The following TTC39A variants were observed in gnomAD, a reference collection of about 807,000 sequenced individuals.
TTC39A encodes the protein tetratricopeptide repeat protein 39A.
In TTC39A, 46 loss-of-function variants were observed where a neutral mutation model predicts 82.3. The observed-to-expected ratio is 0.56, with a 90% CI of 0.44 to 0.71. The LOEUF (loss-of-function observed/expected upper bound fraction) is 0.71. Among genes scored for constraint, TTC39A ranks in the 30% least tolerant of loss-of-function variants. The pLI, the probability that TTC39A is intolerant of heterozygous loss-of-function variation, is 0.00. For synonymous variants in TTC39A, 254 were observed against 275.2 expected, an observed-to-expected ratio of 0.92 and a Z score of 0.76; for missense variants, 543 against 712.9, an observed-to-expected ratio of 0.76 and a Z score of 2.71.
chr1:51,324,639 A>C (rs1387729381), intron 1 of TTC39A, among the ~76,000 whole-genome samples: 1 of 152,096 alleles, frequency 6.6e-6, no homozygotes, highest in Non-Finnish European at 1.5e-5. Context: ...CTCCTGCCTC[A>C]GCCTCCCAAG....
chr1:51,319,354 C>T (rs1645407353), intron 2 of TTC39A, among the ~76,000 whole-genome samples: 1 of 152,002 alleles, frequency 6.6e-6, no homozygotes, highest in African/African-American at 2.4e-5. Flanking sequence ...AGGGAAGAGG[C>T]TCAGAAGAGG....
Position 51,303,209 on chromosome 1 carries a change from G to C in TTC39A, c.655-17C>G, listed in dbSNP as rs1460247682. ...CCCATAGTCCTGAGGGGATGGGAGGGTGGGTGAGGCTCCCAGAGAGGGCAG... is the reference window on the plus strand; with the variant it reads ...CCCATAGTCCTGAGGGGATGGGAGGCTGGGTGAGGCTCCCAGAGAGGGCAG... On this transcript the variant is annotated splice_polypyrimidine_tract_variant and intron_variant, in intron 8 of 17. Transcript: ENST00000680483. 7.0e-7 allele frequency: 1 copy of C among 1,432,826 alleles called. No homozygotes were observed. The highest frequency in any genetic ancestry group is 9.6e-7 in the Non-Finnish European group (1 of 1,039,022). The allele number at this position is 1,432,826 out of a possible 1,614,324, so 88.8% of individuals were successfully genotyped here.
rs143489092 is a variant in TTC39A, at chr1:51,340,916, A to G, written c.53+4075T>C. On this transcript the variant is annotated intron_variant, in intron 1 of 5. Transcript: ENST00000401051. ...GCCGGGTGCGGTAGCTCTTGCCTATAATCCCAACACTTTGGGAGGCCGAGG... is the reference window on the plus strand; with the variant it reads ...GCCGGGTGCGGTAGCTCTTGCCTATGATCCCAACACTTTGGGAGGCCGAGG... 5.4e-3 allele frequency among the ~76,000 whole-genome samples: 820 copies of G among 152,310 alleles called. 1 individual carries two copies. The highest frequency in any genetic ancestry group is 0.014 in the Middle Eastern group (4 of 294).
At chr1:51,297,174 G>C (rs79492354) in intron 12 of TTC39A, 1 of 151,778 alleles carries the variant, frequency 6.6e-6, no homozygotes, top group South Asian at 2.1e-4. Context: ...CGTGGGCCAC[G>C]GCGGGAAGAG....
rs1646077581 is a variant in TTC39A, at chr1:51,344,841, C to T, written c.53+150G>A. ...GCAGGGGGCGCGCGGCGCTGCCCCT[C>T]TCGGGCCTCCGGCCGACCCCCACGC... On this transcript the variant is annotated intron_variant, in intron 1 of 5. Transcript: ENST00000401051. The T allele has an allele frequency of 3.0e-6, 3 of 1,006,246 alleles. No homozygotes were observed. In the African/African-American group the frequency reaches 5.1e-5, roughly 17 times the overall value. The allele number at this position is 1,006,246 out of a possible 1,614,324, so 62.3% of individuals were successfully genotyped here.
chr1:51,334,042 C>T (rs12067023), upstream of TTC39A, among the ~76,000 whole-genome samples: 4,703 of 152,108 alleles, frequency 0.031, 251 homozygotes, highest in African/African-American at 0.11. Flanking sequence ...TTGCCGACTT[C>T]CAAGGTTGCT....
Position 51,303,209 on chromosome 1 carries a change from G to T in TTC39A, c.655-17C>A. 7.7e-6 allele frequency: 11 copies of T among 1,432,810 alleles called. No homozygotes were observed. The highest frequency in any genetic ancestry group is 1.2e-5 in the South Asian group (1 of 81,602). 88.8% of individuals were successfully genotyped at this position (1,432,810 alleles called of 1,614,324 possible). A position where few individuals can be genotyped will look rare whatever the true frequency, so the allele number is the denominator to read the frequency against. ...CCCATAGTCCTGAGGGGATGGGAGG[G>T]TGGGTGAGGCTCCCAGAGAGGGCAG... On this transcript the variant is annotated splice_polypyrimidine_tract_variant and intron_variant, in intron 8 of 17. Transcript: ENST00000680483.
At chr1:51,304,272 A>C (rs575544286) in intron 8 of TTC39A, among the ~76,000 whole-genome samples, 1 of 152,216 alleles carries the variant, frequency 6.6e-6, no homozygotes, top group African/African-American at 2.4e-5. Flanking sequence ...TTTCCTTTAA[A>C]TCAATTTCAG....
At chr1:51,337,013 C>T (rs893076549) in intron 1 of TTC39A, among the ~76,000 whole-genome samples, 6 of 152,142 alleles carry the variant, frequency 3.9e-5, no homozygotes, top group Admixed American at 1.3e-4. Context: ...AAAAACTTAG[C>T]TGGGCATGGT....
At chr1:51,320,416 C>CTTTTTTTTTTTTTTTTTTTTTTTTT (rs57261779) in intron 2 of TTC39A, among the ~76,000 whole-genome samples, 17 of 79,434 alleles carry the variant, frequency 2.1e-4, no homozygotes, top group Admixed American at 3.0e-4. Context: ...TTTTCTTTTT[C>CTTTTTTTTTTTTTTTTTTTTTTTTT]TTTTTTTTTT....
rs1644284264 is a variant in TTC39A at position 51,293,101 on chromosome 1, CTT to C, written c.1266+1288_1266+1289del. On this transcript the variant is annotated intron_variant, in intron 14 of 17. Transcript: ENST00000680483. ...TTTTTTTTTGAGATGGAGTTTCACTCTTGTTGCCCAGGCTGGAGTGCAATGGC... is the reference window on the plus strand; with the variant it reads ...TTTTTTTTTGAGATGGAGTTTCACTCGTTGCCCAGGCTGGAGTGCAATGGC... Among the ~76,000 whole-genome samples the C allele has an allele frequency of 5.0e-5, 7 of 140,716 alleles. No homozygotes were observed. In the Admixed American group the frequency reaches 5.1e-4, roughly 10 times the overall value. 92.3% of individuals were successfully genotyped at this position (140,716 alleles called of 152,430 possible). A position where few individuals can be genotyped will look rare whatever the true frequency, so the allele number is the denominator to read the frequency against.
chr1:51,302,575 T>C lies in TTC39A; in HGVS notation c.764-2A>G. ...CCTCGATGTTGACGTTCCCAGTACC[T>C]GGAGGAGATGGTGGGGGAGACACAG... On this transcript the variant is annotated splice_acceptor_variant, in intron 9 of 17. Coordinates refer to ENST00000680483, the MANE Select transcript of TTC39A (RefSeq NM_001297663.2). LOFTEE classifies it high-confidence loss of function. 2 of 1,598,364 alleles carry C rather than the reference T, an allele frequency of 1.3e-6. No individual in the cohort carries two copies. Among genetic ancestry groups the C allele is most frequent in the Non-Finnish European group, 1.7e-6 (2 of 1,172,494 alleles).
chr1:51,331,497 C>T (rs1279234686), upstream of TTC39A: 1 of 985,336 alleles, frequency 1.0e-6, no homozygotes, highest in East Asian at 1.1e-4. Flanking sequence ...TGTAGCTCCC[C>T]TGGAGCAACT....
Position 51,318,333 on chromosome 1 carries a change from G to A in TTC39A, c.146+3388C>T, listed in dbSNP as rs942857797. ...GAGCCTTCCAAGAAAACTGAGAGGG[G>A]AACCTGGACATTCCAAGACAGAGCA... On this transcript the variant is annotated intron_variant, in intron 2 of 17. Transcript: ENST00000680483. Among the ~76,000 whole-genome samples, 3 of 152,286 alleles carry A rather than the reference G, an allele frequency of 2.0e-5. No homozygotes were observed. The East Asian group carries it at 5.8e-4, about 29-fold the overall frequency.
chr1:51,289,973 GACCCAGA>G lies in TTC39A; in HGVS notation c.1493+25_1493+31del, dbSNP rs771812396. 12 of 1,585,140 alleles carry G rather than the reference GACCCAGA, an allele frequency of 7.6e-6. No individual in the cohort carries two copies. The East Asian group carries it at 2.7e-4, about 35-fold the overall frequency. ...CTGAATATTCTACCCAGGAGACTCAGACCCAGAAGGAGCAGCTGCAGAGGCACTTACT... is the reference window on the plus strand; with the variant it reads ...CTGAATATTCTACCCAGGAGACTCAGAGGAGCAGCTGCAGAGGCACTTACT... On this transcript the variant is annotated intron_variant, in intron 16 of 17. Coordinates refer to ENST00000680483, the MANE Select transcript of TTC39A (RefSeq NM_001297663.2).
At chr1:51,303,772 G>A (rs370725269) in intron 8 of TTC39A, among the ~76,000 whole-genome samples, 4 of 152,112 alleles carry the variant, frequency 2.6e-5, no homozygotes, top group East Asian at 1.9e-4. Context: ...CCCTGCCTTC[G>A]AGATAAAGAG....
chr1:51,343,036 C>G (rs1339566835), intron 1 of TTC39A: 6 of 456,158 alleles, frequency 1.3e-5, no homozygotes, highest in Admixed American at 7.0e-5. Context: ...CCCTGGTGCC[C>G]ACAGGACGAT....
chr1:51,328,411 A>T (rs1289281048), intron 1 of TTC39A, among the ~76,000 whole-genome samples: 2 of 152,234 alleles, frequency 1.3e-5, no homozygotes, highest in Admixed American at 6.5e-5. Context: ...CAAGTGGGAC[A>T]AGAGCTACAG....
intron 12 of TTC39A, 152 bp downstream of exon 12, chr1:51,301,420 A>T: frequency 2.0e-6 from 2 of 986,648 alleles, no homozygotes; most frequent in Admixed American, 2.9e-5. Context: ...TGTGGTCTTT[A>T]GTTCCTTCCA....
Sources: allele counts gnomAD v4.1 joint callset (sites outside exome capture counted in the v4.1 genomes callset), GRCh38; gene constraint gnomAD v4.1.1; transcripts MANE v1.5; gene names NCBI Gene and HGNC (gene_info 2026-07-23, HGNC 2026-07-21).